CACNA2D3: variants seen among roughly 807,000 people sequenced by gnomAD.
The protein encoded by CACNA2D3 is calcium voltage-gated channel auxiliary subunit alpha2delta 3, also known as voltage-dependent calcium channel subunit alpha-2/delta-3.
A neutral mutation model predicts 160.6 loss-of-function variants in CACNA2D3; 60 were observed. The observed-to-expected ratio is 0.37, with a 90% CI of 0.30 to 0.46. The LOEUF is 0.46. Among genes scored for constraint, CACNA2D3 ranks in the 20% least tolerant of loss-of-function variants. The pLI is 1.00. For synonymous variants in CACNA2D3, 558 were observed against 492.9 expected (o/e 1.13, Z -1.75); for missense variants, 1,205 against 1,365.0 (o/e 0.88, Z 1.85).
intron 2 of CACNA2D3, among the ~76,000 whole-genome samples, chr3:54,198,977 C>A (rs1163425263): frequency 3.9e-5 from 6 of 152,210 alleles, no homozygotes; most frequent in African/African-American, 1.4e-4. Flanking sequence ...CATTTCTTTT[C>A]TTCCTGTCCC....
intron 2 of CACNA2D3, among the ~76,000 whole-genome samples, chr3:54,151,305 G>A (rs779783691): frequency 1.3e-5 from 2 of 152,074 alleles, no homozygotes; most frequent in Non-Finnish European, 2.9e-5. Context: ...ACGGATAATG[G>A]ATGGATGGGT....
intron 5 of CACNA2D3, among the ~76,000 whole-genome samples, chr3:54,509,996 T>G (rs1701434426): frequency 6.6e-6 from 1 of 152,228 alleles, no homozygotes; most frequent in Non-Finnish European, 1.5e-5. Flanking sequence ...AAGGTGTGAT[T>G]TGGCCCTTTG....
chr3:54,507,186 T>A (rs1420725398), intron 5 of CACNA2D3, among the ~76,000 whole-genome samples: 1 of 152,196 alleles, frequency 6.6e-6, no homozygotes. Flanking sequence ...GAGACCCTGC[T>A]TTTGTTCACT....
At chr3:54,141,998 T>TCG (rs1285003262) in intron 2 of CACNA2D3, among the ~76,000 whole-genome samples, 1 of 152,190 alleles carries the variant, frequency 6.6e-6, no homozygotes, top group African/African-American at 2.4e-5. Context: ...CATGCAAGTC[T>TCG]CCTTGCAGTT....
At chr3:54,180,112 T>G (rs1377944408) in intron 2 of CACNA2D3, among the ~76,000 whole-genome samples, 2 of 151,718 alleles carry the variant, frequency 1.3e-5, no homozygotes, top group African/African-American at 4.8e-5. Flanking sequence ...TTTTTTTTTT[T>G]TTGTTAAACC....
chr3:54,694,403 T>G (rs2106937650), intron 11 of CACNA2D3, among the ~76,000 whole-genome samples: 1 of 152,328 alleles, frequency 6.6e-6, no homozygotes, highest in Non-Finnish European at 1.5e-5. Flanking sequence ...ACACATTTTT[T>G]TAGAACATAG....
At chr3:54,316,482 T>C (rs1703865348) in intron 2 of CACNA2D3, among the ~76,000 whole-genome samples, 1 of 152,220 alleles carries the variant, frequency 6.6e-6, no homozygotes, top group African/African-American at 2.4e-5. Flanking sequence ...GCTTTTTGCT[T>C]ATGAGATACT....
intron 11 of CACNA2D3, among the ~76,000 whole-genome samples, chr3:54,668,746 C>T (rs921563982): frequency 1.3e-5 from 2 of 152,226 alleles, no homozygotes; most frequent in African/African-American, 4.8e-5. Flanking sequence ...CCAGTCAATT[C>T]TGTGGTTTCT....
In CACNA2D3 at chr3:54,834,347, G is replaced by A. The variant is rs879445511; in HGVS notation, c.1399-2812G>A. Among the ~76,000 whole-genome samples the A allele has an allele frequency of 6.6e-5, 10 of 152,152 alleles. 1 individual carries two copies. The highest frequency in any genetic ancestry group is 1.3e-4 in the Admixed American group (2 of 15,280). On this transcript the variant is annotated intron_variant, in intron 14 of 37. Transcript: ENST00000474759. ...TCAGCTCAAATCAGTTTTCTTTATA[G>A]CATTAACGATTAATCAAGGAGTCAG...
At chr3:54,254,212 A>G (rs1481577923) in intron 2 of CACNA2D3, among the ~76,000 whole-genome samples, 1 of 152,138 alleles carries the variant, frequency 6.6e-6, no homozygotes, top group Non-Finnish European at 1.5e-5. Context: ...CTCCCATCAG[A>G]TGGCAGCTTT....
chr3:54,721,023 T>G (rs1701158983), intron 11 of CACNA2D3, among the ~76,000 whole-genome samples: 1 of 152,144 alleles, frequency 6.6e-6, no homozygotes. Flanking sequence ...GGCAAAATAT[T>G]TCTATTATTC....
chr3:54,174,619 G>A (rs1008942557), intron 2 of CACNA2D3, among the ~76,000 whole-genome samples: 9 of 152,172 alleles, frequency 5.9e-5, no homozygotes, highest in Admixed American at 2.0e-4. Flanking sequence ...CCGCCTCCCG[G>A]GTTCGCGCCA....
chr3:54,551,251 C>A (rs1434672612), intron 5 of CACNA2D3, among the ~76,000 whole-genome samples: 11 of 152,178 alleles, frequency 7.2e-5, no homozygotes. Flanking sequence ...CCATTTTACC[C>A]CAATGAGCTG....
intron 27 of CACNA2D3, among the ~76,000 whole-genome samples, chr3:54,938,302 G>A (rs910691050): frequency 6.6e-6 from 1 of 152,230 alleles, no homozygotes; most frequent in African/African-American, 2.4e-5. Context: ...CAGACCAGAA[G>A]TGGCAAATGA....
At chr3:54,281,750 C>G (rs966655314) in intron 2 of CACNA2D3, among the ~76,000 whole-genome samples, 5 of 152,180 alleles carry the variant, frequency 3.3e-5, no homozygotes, top group African/African-American at 1.2e-4. Context: ...GCTCTGTATT[C>G]ATGCAGAATA....
At chr3:54,719,692 C>G (rs1018026853) in intron 11 of CACNA2D3, among the ~76,000 whole-genome samples, 2 of 151,882 alleles carry the variant, frequency 1.3e-5, no homozygotes, top group Non-Finnish European at 2.9e-5. Context: ...TCTTTTTATA[C>G]TCTCTGGAAG....
intron 4 of CACNA2D3, among the ~76,000 whole-genome samples, chr3:54,423,327 T>TA (rs1199926099): frequency 2.0e-5 from 3 of 152,096 alleles, no homozygotes; most frequent in African/African-American, 7.2e-5. Flanking sequence ...AGAGGGTAAA[T>TA]ATTCATTGGT....
chr3:54,689,421 G>T (rs1700531410), intron 11 of CACNA2D3, among the ~76,000 whole-genome samples: 1 of 152,062 alleles, frequency 6.6e-6, no homozygotes, highest in African/African-American at 2.4e-5. Flanking sequence ...GCCCCCAGAT[G>T]TGTATCTCCA....
intron 8 of CACNA2D3, among the ~76,000 whole-genome samples, chr3:54,579,913 A>G (rs1219793253): frequency 6.6e-6 from 1 of 152,232 alleles, no homozygotes; most frequent in African/African-American, 2.4e-5. Context: ...TCATTGGGAT[A>G]TAATTTTTCA....
Sources: gnomAD v4.1 joint callset for allele counts (sites outside exome capture counted in the v4.1 genomes callset) on GRCh38, gnomAD v4.1.1 for gene constraint, MANE v1.5 for transcripts, NCBI Gene and HGNC (gene_info 2026-07-23, HGNC 2026-07-21) for gene names.